PTPRT: variants seen among roughly 807,000 people sequenced by gnomAD.
PTPRT encodes the protein receptor-type tyrosine-protein phosphatase T.
Under a neutral mutation model 176.8 loss-of-function variants are expected in PTPRT, and 56 were observed. The observed-to-expected ratio is 0.32, with a 90% CI of 0.26 to 0.40. The LOEUF is 0.40. Ranked by LOEUF, PTPRT falls within the 10% of genes least tolerant of loss-of-function variation. The pLI, the probability that PTPRT is intolerant of heterozygous loss-of-function variation, is 1.00. For missense variants in PTPRT, 1,540 were observed against 1,908.2 expected (o/e 0.81, Z 3.60); for synonymous variants, 783 against 739.0 (o/e 1.06, Z -0.96).
intron 5 of PTPRT, among the ~76,000 whole-genome samples, chr20:42,763,811 T>C (rs1002156564): frequency 6.6e-6 from 1 of 152,174 alleles, no homozygotes; most frequent in Non-Finnish European, 1.5e-5. Flanking sequence ...CTGAAACCCT[T>C]CCAAGAGCCC....
At chr20:42,550,671 C>T (rs755043922) in intron 7 of PTPRT, among the ~76,000 whole-genome samples, 1 of 152,052 alleles carries the variant, frequency 6.6e-6, no homozygotes, top group South Asian at 2.1e-4. Context: ...CGGGGCTAAG[C>T]TGCATCCTTT....
At chr20:42,900,276 G>T (rs557440505) in intron 1 of PTPRT, among the ~76,000 whole-genome samples, 22 of 152,272 alleles carry the variant, frequency 1.4e-4, no homozygotes, top group African/African-American at 5.1e-4. Flanking sequence ...CTAAACCCAG[G>T]TCCTTCCCAT....
chr20:42,719,621 T>C (rs1277633004), intron 6 of PTPRT, among the ~76,000 whole-genome samples: 4 of 152,166 alleles, frequency 2.6e-5, no homozygotes, highest in South Asian at 2.1e-4. Context: ...TTAAAGGCTA[T>C]TGTGAGAAGT....
intron 7 of PTPRT, among the ~76,000 whole-genome samples, chr20:42,652,853 A>G (rs2075056925): frequency 6.6e-6 from 1 of 152,172 alleles, no homozygotes; most frequent in South Asian, 2.1e-4. Context: ...ACTCAGACCT[A>G]ACCCTAAGGA....
intron 22 of PTPRT, among the ~76,000 whole-genome samples, chr20:42,112,859 T>C (rs866430033): frequency 1.3e-5 from 2 of 152,194 alleles, no homozygotes; most frequent in Non-Finnish European, 1.5e-5. Context: ...AAGGCAGTGA[T>C]GAATGAGCTG....
chr20:42,250,558 T>C (rs2056534680), intron 13 of PTPRT, among the ~76,000 whole-genome samples: 1 of 152,168 alleles, frequency 6.6e-6, no homozygotes, highest in South Asian at 2.1e-4. Context: ...CAAGCTGTTG[T>C]AACTTAGACA....
intron 13 of PTPRT, among the ~76,000 whole-genome samples, chr20:42,255,878 C>T (rs537851602): frequency 5.9e-5 from 9 of 152,312 alleles, no homozygotes; most frequent in Non-Finnish European, 1.3e-4. Flanking sequence ...GGACACTATT[C>T]CTAAAAACTG....
chr20:42,515,477 C>T (rs895431825), intron 7 of PTPRT, among the ~76,000 whole-genome samples: 1 of 151,956 alleles, frequency 6.6e-6, no homozygotes, highest in African/African-American at 2.4e-5. Flanking sequence ...AGCAAGACTC[C>T]ATTAAAAACA....
intron 7 of PTPRT, among the ~76,000 whole-genome samples, chr20:42,673,975 G>C (rs1347811990): frequency 1.3e-5 from 2 of 152,040 alleles, no homozygotes; most frequent in African/African-American, 4.8e-5. Flanking sequence ...AACCCAGCCT[G>C]TAAATTCCTC....
At chr20:42,630,514 G>A (rs2074384078) in intron 7 of PTPRT, among the ~76,000 whole-genome samples, 1 of 152,042 alleles carries the variant, frequency 6.6e-6, no homozygotes, top group Non-Finnish European at 1.5e-5. Flanking sequence ...ATGACTTCAG[G>A]TCCCCAACAA....
chr20:42,715,275 A>G (rs866931789), intron 6 of PTPRT, among the ~76,000 whole-genome samples: 36 of 152,350 alleles, frequency 2.4e-4, no homozygotes, highest in African/African-American at 8.4e-4. Context: ...GGTAACAAAC[A>G]GGACATAAAT....
Position 42,448,332 on chromosome 20 carries a change from AC to A in PTPRT, c.1451-4del. The A allele has an allele frequency of 6.2e-7, 1 of 1,601,882 alleles. No homozygotes were observed. ...TTCTAGAGGAACAGCTCCTGGAACTACAGAATGGAAAAGTTATGAACTTGAT... is the reference window on the plus strand; with the variant it reads ...TTCTAGAGGAACAGCTCCTGGAACTAAGAATGGAAAAGTTATGAACTTGAT... On this transcript the variant is annotated splice_region_variant and splice_polypyrimidine_tract_variant and intron_variant, in intron 8 of 30. Transcript: ENST00000373187.
intron 23 of PTPRT, among the ~76,000 whole-genome samples, chr20:42,108,461 C>T (rs1986691782): frequency 6.6e-6 from 1 of 152,106 alleles, no homozygotes; most frequent in Admixed American, 6.5e-5. Context: ...TTAATAGATC[C>T]ACCTCACAGC....
At chr20:42,452,450 T>A (rs564800706) in intron 8 of PTPRT, among the ~76,000 whole-genome samples, 3 of 152,056 alleles carry the variant, frequency 2.0e-5, no homozygotes, top group African/African-American at 7.2e-5. Context: ...AATTGAAGTG[T>A]CCTAATGGCT....
At chr20:43,180,272 C>G (rs1317338037) in intron 1 of PTPRT, among the ~76,000 whole-genome samples, 1 of 150,436 alleles carries the variant, frequency 6.6e-6, no homozygotes, top group Non-Finnish European at 1.5e-5. Flanking sequence ...CCTGGGACTC[C>G]AGCTTGCAGA....
At chr20:42,232,171 T>C (rs1001992641) in intron 15 of PTPRT, among the ~76,000 whole-genome samples, 16 of 152,180 alleles carry the variant, frequency 1.1e-4, no homozygotes, top group Non-Finnish European at 2.4e-4. Context: ...CAAATATTGG[T>C]GGAATGAATA....
intron 13 of PTPRT, among the ~76,000 whole-genome samples, chr20:42,275,101 TGCTAAGTGTCAG>T (rs2147021667): frequency 6.6e-6 from 1 of 152,368 alleles, no homozygotes; most frequent in South Asian, 2.1e-4. Flanking sequence ...ATTTAGTGTG[TGCTAAGTGTCAG>T]GCTTTACTTC....
intron 1 of PTPRT, among the ~76,000 whole-genome samples, chr20:42,959,783 A>C (rs547877025): frequency 6.6e-6 from 1 of 152,292 alleles, no homozygotes; most frequent in East Asian, 1.9e-4. Context: ...TGGTTCTGTG[A>C]ACAGCTGACA....
intron 2 of PTPRT, among the ~76,000 whole-genome samples, chr20:42,847,167 G>A (rs555896303): frequency 2.6e-5 from 4 of 152,304 alleles, no homozygotes; most frequent in East Asian, 1.9e-4. Flanking sequence ...GGTACAAAGC[G>A]GGCAAGGACA....
Sources: allele counts gnomAD v4.1 joint callset (sites outside exome capture counted in the v4.1 genomes callset), GRCh38; gene constraint gnomAD v4.1.1; transcripts MANE v1.5; gene names NCBI Gene and HGNC (gene_info 2026-07-23, HGNC 2026-07-21).